The following KIAA0825 variants were observed in gnomAD, a reference collection of about 807,000 sequenced individuals.
The protein encoded by KIAA0825 is KIAA0825.
KIAA0825 carries 119 observed loss-of-function variants against 147.6 expected under a neutral mutation model. The ratio of observed to expected loss-of-function variants is 0.81; its 90% CI spans 0.69 to 0.94. The LOEUF (loss-of-function observed/expected upper bound fraction) is 0.94, where lower values mean the gene tolerates loss of function less well. Among genes scored for constraint, KIAA0825 ranks in the 40% least tolerant of loss-of-function variants. KIAA0825 has a pLI of 0.00. For missense variants in KIAA0825, 1,381 were observed against 1,472.7 expected (o/e 0.94, Z 1.02); for synonymous variants, 470 against 518.1 (o/e 0.91, Z 1.26).
chr5:94,248,677 G>A (rs1184801294), intron 20 of KIAA0825, among the ~76,000 whole-genome samples: 1 of 152,128 alleles, frequency 6.6e-6, no homozygotes, highest in Admixed American at 6.6e-5. Flanking sequence ...CTGACTGGCA[G>A]AAAGACCTTG....
At chr5:94,446,470 T>A (rs1383714095) in intron 13 of KIAA0825, among the ~76,000 whole-genome samples, 1 of 152,120 alleles carries the variant, frequency 6.6e-6, no homozygotes, top group Non-Finnish European at 1.5e-5. Flanking sequence ...GAAGTCACAT[T>A]TGAGCTGAGA....
chr5:94,188,607 T>A (rs1320885619), intron 20 of KIAA0825, among the ~76,000 whole-genome samples: 1 of 152,190 alleles, frequency 6.6e-6, no homozygotes, highest in African/African-American at 2.4e-5. Flanking sequence ...TATTCATATT[T>A]TGTTATTTTT....
At chr5:94,266,811 T>A (rs1776756574) in intron 20 of KIAA0825, among the ~76,000 whole-genome samples, 2 of 152,224 alleles carry the variant, frequency 1.3e-5, no homozygotes, top group South Asian at 4.2e-4. Flanking sequence ...TTCAGCACAT[T>A]TAAACTTCTC....
At chr5:94,569,762 C>G (rs1779545629) in intron 2 of KIAA0825, 1 of 255,108 alleles carries the variant, frequency 3.9e-6, no homozygotes, top group African/African-American at 2.2e-5. Flanking sequence ...AGACGTAAAC[C>G]ATGGCTGAAT....
intron 5 of KIAA0825, among the ~76,000 whole-genome samples, chr5:94,511,477 G>A (rs1172017649): frequency 6.6e-6 from 1 of 152,108 alleles, no homozygotes; most frequent in Non-Finnish European, 1.5e-5. Flanking sequence ...AAAATTAGCT[G>A]GACGTGGTGG....
intron 20 of KIAA0825, among the ~76,000 whole-genome samples, chr5:94,348,145 A>C (rs1395840088): frequency 6.6e-6 from 1 of 152,150 alleles, no homozygotes; most frequent in Admixed American, 6.5e-5. Context: ...ATCTGGGATT[A>C]TGTTAAATGA....
intron 20 of KIAA0825, among the ~76,000 whole-genome samples, chr5:94,225,988 G>A (rs1333209877): frequency 6.6e-6 from 1 of 152,120 alleles, no homozygotes; most frequent in Non-Finnish European, 1.5e-5. Flanking sequence ...AAAAGCAATG[G>A]CAACAAAAGC....
intron 20 of KIAA0825, among the ~76,000 whole-genome samples, chr5:94,344,132 A>G (rs1026663434): frequency 1.3e-5 from 2 of 152,322 alleles, no homozygotes; most frequent in African/African-American, 4.8e-5. Flanking sequence ...GCTCACACAT[A>G]CCCCAAGGTT....
chr5:94,385,633 A>G (rs1357978676), intron 19 of KIAA0825, among the ~76,000 whole-genome samples: 3 of 152,236 alleles, frequency 2.0e-5, no homozygotes, highest in African/African-American at 7.2e-5. Flanking sequence ...TTTTCAGTGT[A>G]ACTACTGAAA....
At position 94,396,519 on chromosome 5, in the gene KIAA0825, A is replaced by G. The variant is rs1750671917; in HGVS notation, c.2888-10T>C. The G allele has an allele frequency of 1.4e-6, 2 of 1,468,564 alleles. No individual in the cohort carries two copies. Among genetic ancestry groups the G allele is most frequent in the Non-Finnish European group, 1.8e-6 (2 of 1,111,172 alleles). The allele number at this position is 1,468,564 out of a possible 1,614,324, so 91.0% of individuals were successfully genotyped here. A position where few individuals can be genotyped will look rare whatever the true frequency, so the allele number is the denominator to read the frequency against. ...GTAAGCCTTGTGAAGCCTGGGGAAG[A>G]AAAGAAAAGGTATGATTAATATTAG... On this transcript the variant is annotated splice_polypyrimidine_tract_variant and intron_variant, in intron 16 of 20. Coordinates refer to ENST00000682413, the MANE Select transcript of KIAA0825 (RefSeq NM_001145678.3).
chr5:94,563,885 C>A (rs1778057201), intron 2 of KIAA0825, among the ~76,000 whole-genome samples: 1 of 152,040 alleles, frequency 6.6e-6, no homozygotes, highest in Non-Finnish European at 1.5e-5. Flanking sequence ...GGGGTTTCAC[C>A]ATGTTGGCAA....
chr5:94,607,979 T>C (rs1001524116), intron 1 of KIAA0825, among the ~76,000 whole-genome samples: 1 of 152,178 alleles, frequency 6.6e-6, no homozygotes, highest in Non-Finnish European at 1.5e-5. Flanking sequence ...TGAGAACCCT[T>C]GTAATTACAT....
intron 20 of KIAA0825, among the ~76,000 whole-genome samples, chr5:94,190,711 C>G (rs1227843554): frequency 6.6e-6 from 1 of 151,814 alleles, no homozygotes; most frequent in Non-Finnish European, 1.5e-5. Flanking sequence ...GCAATGACTA[C>G]ATTTTTTTTT....
rs538200851 is a variant in KIAA0825 at position 94,464,940 on chromosome 5, C to A, written c.1992G>T (p.Glu664Asp). ...TGGAGGCCAGTAGACTCAAAGATTTCTCCAGCACTTCCACTAGAATCTCCT... is the reference window on the plus strand; with the variant it reads ...TGGAGGCCAGTAGACTCAAAGATTTATCCAGCACTTCCACTAGAATCTCCT... ...LAQEILVEVL[E>D]KSLSLLASRY... The change falls in exon 11 of 21, where the codon GAG becomes GAT. Residue 664 changes from glutamate (E) to aspartate (D), a missense_variant. By Grantham distance (45) the Glu-to-Asp change is conservative. Transcript: ENST00000682413. The A allele has an allele frequency of 1.9e-6, 3 of 1,551,668 alleles. No homozygotes were observed. Among genetic ancestry groups the A allele is most frequent in the South Asian group, 2.4e-5 (2 of 84,064 alleles).
At position 94,473,394 on chromosome 5, in the gene KIAA0825, C is replaced by G. The variant is rs1462585201; in HGVS notation, c.1353G>C (p.Arg451Ser). The G allele has an allele frequency of 6.4e-7, 1 of 1,552,016 alleles. No homozygotes were observed. The highest frequency in any genetic ancestry group is 8.7e-7 in the Non-Finnish European group (1 of 1,147,050). ...TCATAGCATAGCTCACAGCTGAAGACCTTTCATTCTGTTCCTGTTGGAGAA... is the reference window on the plus strand; with the variant it reads ...TCATAGCATAGCTCACAGCTGAAGAGCTTTCATTCTGTTCCTGTTGGAGAA... ...TKILQQEQNE[R>S]SSAVSYAMNL... Residue 451 changes from arginine to serine, a missense_variant, in exon 8 of 21, where the codon AGG becomes AGC. Transcript: ENST00000682413.
In KIAA0825 at chr5:94,595,699, CTGTTATGCTCTGCTTCCCT is replaced by C. The variant is rs1464349720; in HGVS notation, c.-152-13135_-152-13117del. ...ATCAGCAGGCTACAAAGTTTCCAAA[CTGTTATGCTCTGCTTCCCT>C]TTTAAAAATAAGTTCCAATTCCAAA... On this transcript the variant is annotated intron_variant, in intron 1 of 20. Transcript: ENST00000682413. Among the ~76,000 whole-genome samples, 6 of 152,306 alleles carry C rather than the reference CTGTTATGCTCTGCTTCCCT, an allele frequency of 3.9e-5. No homozygotes were observed. The East Asian group carries it at 1.2e-3, about 29-fold the overall frequency.
At chr5:94,273,285 T>C (rs975930923) in intron 20 of KIAA0825, among the ~76,000 whole-genome samples, 1 of 152,220 alleles carries the variant, frequency 6.6e-6, no homozygotes, top group Admixed American at 6.5e-5. Flanking sequence ...ATTATGTGTG[T>C]ATATGTGTAC....
At chr5:94,235,117 T>C (rs1310728372) in intron 20 of KIAA0825, among the ~76,000 whole-genome samples, 1 of 152,104 alleles carries the variant, frequency 6.6e-6, no homozygotes, top group East Asian at 1.9e-4. Flanking sequence ...TCTCTAACTT[T>C]AAATCAAAAG....
rs185208783 is a variant in KIAA0825 at position 94,411,049 on chromosome 5, T to C, written c.2662+6152A>G. ...GTTTATAATACTTATAGAAATAAAATGTATGACAACAATAGAATAAAGGAT... is the reference window on the plus strand; with the variant it reads ...GTTTATAATACTTATAGAAATAAAACGTATGACAACAATAGAATAAAGGAT... On this transcript the variant is annotated intron_variant, in intron 15 of 20. Transcript: ENST00000682413. 1.6e-4 allele frequency among the ~76,000 whole-genome samples: 24 copies of C among 152,218 alleles called. No homozygotes were observed. The South Asian group carries it at 2.3e-3, about 14-fold the overall frequency.
Sources: allele counts gnomAD v4.1 joint callset (sites outside exome capture counted in the v4.1 genomes callset), GRCh38; gene constraint gnomAD v4.1.1; transcripts MANE v1.5; gene names NCBI Gene and HGNC (gene_info 2026-07-23, HGNC 2026-07-21).